GRIN2A: variants seen among roughly 807,000 people sequenced by gnomAD.
GRIN2A encodes the protein glutamate ionotropic receptor NMDA type subunit 2A.
Under a neutral mutation model 113.4 loss-of-function variants are expected in GRIN2A, and 22 were observed. That is an observed-to-expected ratio of 0.19 (90% CI 0.14 to 0.28). GRIN2A has a LOEUF of 0.28. Among genes scored for constraint, GRIN2A ranks in the 10% least tolerant of loss-of-function variants. GRIN2A has a pLI of 1.00. For missense variants in GRIN2A, 1,502 were observed against 1,887.0 expected (o/e 0.80, Z 3.78); for synonymous variants, 827 against 738.4 (o/e 1.12, Z -1.94).
At chr16:10,105,477 A>G (rs529954185) in intron 2 of GRIN2A, among the ~76,000 whole-genome samples, 2 of 143,274 alleles carry the variant, frequency 1.4e-5, no homozygotes, top group Admixed American at 1.5e-4. Context: ...ATTTTCAAAC[A>G]TAAGAAAACC....
At chr16:9,814,250 A>G (rs951425276) in intron 10 of GRIN2A, among the ~76,000 whole-genome samples, 1 of 152,216 alleles carries the variant, frequency 6.6e-6, no homozygotes, top group Non-Finnish European at 1.5e-5. Flanking sequence ...CCAACTGCCT[A>G]GGTGGCATTT....
chr16:10,049,480 C>T (rs1283247475), intron 2 of GRIN2A, among the ~76,000 whole-genome samples: 7 of 152,052 alleles, frequency 4.6e-5, no homozygotes, highest in Non-Finnish European at 8.8e-5. Flanking sequence ...CAGGTTCAAG[C>T]GATTCTCCTG....
At chr16:9,846,480 G>A (rs1045815633) in intron 5 of GRIN2A, among the ~76,000 whole-genome samples, 3 of 152,150 alleles carry the variant, frequency 2.0e-5, no homozygotes, top group Admixed American at 2.0e-4. Flanking sequence ...ACTGAGATCT[G>A]GGCACTTGCA....
intron 2 of GRIN2A, among the ~76,000 whole-genome samples, chr16:10,123,204 C>G (rs1304191997): frequency 6.6e-6 from 1 of 152,108 alleles, no homozygotes; most frequent in East Asian, 1.9e-4. Flanking sequence ...AAGGAGTTAC[C>G]TTTTCAATCC....
chr16:10,153,363 G>C (rs1315773285), intron 2 of GRIN2A, among the ~76,000 whole-genome samples: 1 of 152,144 alleles, frequency 6.6e-6, no homozygotes, highest in Non-Finnish European at 1.5e-5. Flanking sequence ...CACTTGCCAG[G>C]CAGTATCTAG....
chr16:10,160,348 C>T (rs1017186716), intron 2 of GRIN2A, among the ~76,000 whole-genome samples: 11 of 152,108 alleles, frequency 7.2e-5, no homozygotes, highest in Admixed American at 3.9e-4. Flanking sequence ...CACAAGTGGG[C>T]GTGGACCAAG....
At chr16:9,841,269 G>C (rs930332161) in intron 5 of GRIN2A, among the ~76,000 whole-genome samples, 165 bp from the exon 6 acceptor site, 1 of 152,182 alleles carries the variant, frequency 6.6e-6, no homozygotes, top group South Asian at 2.1e-4. Context: ...AAAGCAGAAA[G>C]TGTCCTTAAT....
chr16:10,124,176 C>T (rs985416126), intron 2 of GRIN2A, among the ~76,000 whole-genome samples: 5 of 152,234 alleles, frequency 3.3e-5, no homozygotes, highest in East Asian at 1.9e-4. Context: ...GGGCCGTGTG[C>T]GTGCCCTTGT....
intron 2 of GRIN2A, among the ~76,000 whole-genome samples, chr16:10,031,912 C>G (rs181880658): frequency 1.3e-5 from 2 of 152,218 alleles, no homozygotes; most frequent in African/African-American, 2.4e-5. Context: ...GGGCCTATGC[C>G]CAGTCTCTTT....
intron 2 of GRIN2A, among the ~76,000 whole-genome samples, chr16:10,152,026 C>G (rs1411462682): frequency 2.0e-5 from 3 of 152,178 alleles, no homozygotes; most frequent in African/African-American, 7.2e-5. Context: ...GTCCTTCGTC[C>G]TGAGAAGGAG....
At chr16:10,067,746 C>T (rs760343936) in intron 2 of GRIN2A, among the ~76,000 whole-genome samples, 1 of 152,032 alleles carries the variant, frequency 6.6e-6, no homozygotes. Flanking sequence ...CCACCCCCAC[C>T]CCAAGGGACA....
intron 12 of GRIN2A, among the ~76,000 whole-genome samples, chr16:9,766,612 C>T (rs1405061585): frequency 6.6e-6 from 1 of 152,134 alleles, no homozygotes; most frequent in Non-Finnish European, 1.5e-5. Flanking sequence ...TAACATCTGC[C>T]CCTGCCATCA....
intron 4 of GRIN2A, among the ~76,000 whole-genome samples, chr16:9,888,892 G>C (rs1413141911): frequency 2.0e-5 from 3 of 151,770 alleles, no homozygotes; most frequent in African/African-American, 7.3e-5. Flanking sequence ...CTGTTAATGT[G>C]GTAAATTAAT....
In GRIN2A at chr16:9,905,435, G is replaced by A. The variant is rs187567169; in HGVS notation, c.1008-14335C>T. Among the ~76,000 whole-genome samples the A allele has an allele frequency of 1.2e-4, 18 of 152,236 alleles. No individual in the cohort carries two copies. In the East Asian group the frequency reaches 2.1e-3, roughly 18 times the overall value. On this transcript the variant is annotated intron_variant, in intron 3 of 12. Transcript: ENST00000330684. Reference sequence around the variant, plus strand: ...GGCAGATAATATCAATGAGTAAAACGAGCCAGGTGCAAGATGATAACAGTG... The same window carrying A: ...GGCAGATAATATCAATGAGTAAAACAAGCCAGGTGCAAGATGATAACAGTG...
chr16:10,108,948 A>T (rs2048553145), intron 2 of GRIN2A, among the ~76,000 whole-genome samples: 1 of 151,514 alleles, frequency 6.6e-6, no homozygotes. Context: ...CTGAGAAGAC[A>T]TTTAGGCTGA....
chr16:10,053,599 G>T (rs192746517), intron 2 of GRIN2A, among the ~76,000 whole-genome samples: 1 of 152,316 alleles, frequency 6.6e-6, no homozygotes, highest in East Asian at 1.9e-4. Flanking sequence ...GAGGGCAAAT[G>T]TTGCACTAAG....
intron 2 of GRIN2A, among the ~76,000 whole-genome samples, chr16:10,122,665 T>C (rs1462795590): frequency 6.6e-6 from 1 of 152,140 alleles, no homozygotes; most frequent in Non-Finnish European, 1.5e-5. Flanking sequence ...TCCTGCTAAA[T>C]GTAACTTGGC....
intron 2 of GRIN2A, among the ~76,000 whole-genome samples, chr16:9,997,409 T>G (rs181124775): frequency 5.1e-4 from 78 of 152,340 alleles, no homozygotes; most frequent in Admixed American, 1.3e-3. Flanking sequence ...ACACTTTTTC[T>G]TGGTATCATT....
chr16:9,960,684 G>A (rs1335349566), intron 2 of GRIN2A, among the ~76,000 whole-genome samples: 3 of 152,200 alleles, frequency 2.0e-5, no homozygotes, highest in Non-Finnish European at 4.4e-5. Flanking sequence ...GAGTGCAATG[G>A]CATGATCTCA....
Sources: allele counts gnomAD v4.1 joint callset (sites outside exome capture counted in the v4.1 genomes callset), GRCh38; gene constraint gnomAD v4.1.1; transcripts MANE v1.5; gene names NCBI Gene and HGNC (gene_info 2026-07-23, HGNC 2026-07-21).